The following PARP9 variants were observed in gnomAD, a reference collection of about 807,000 sequenced individuals.
PARP9 encodes the protein protein mono-ADP-ribosyltransferase PARP9.
PARP9 carries 48 observed loss-of-function variants against 68.8 expected under a neutral mutation model. The observed-to-expected ratio is 0.70, with a 90% CI of 0.55 to 0.89. The LOEUF is 0.89. Among genes scored for constraint, PARP9 ranks in the 40% least tolerant of loss-of-function variants. PARP9 has a pLI of 0.00. For missense variants in PARP9, 806 were observed against 969.3 expected (o/e 0.83, Z 2.24); for synonymous variants, 309 against 333.8 (o/e 0.93, Z 0.81).
chr3:122,539,831 C>T (rs770010391), intron 8 of PARP9, among the ~76,000 whole-genome samples: 20 of 152,094 alleles, frequency 1.3e-4, no homozygotes, highest in Middle Eastern at 3.4e-3. Flanking sequence ...CCCAAAGTGC[C>T]GGGATTACAG....
In PARP9 at chr3:122,536,172, AG is replaced by A. The variant is rs1429016610; in HGVS notation, c.2075del (p.Pro692LeufsTer32). On this transcript the variant is annotated frameshift_variant, in exon 10 of 11. Transcript: ENST00000682323. LOFTEE classifies it low-confidence loss of function (END_TRUNC). ...TGATGAGGCATTGACACCTACCGCA[AG>A]GTGTCGAGTACATTCTTTGAAAGCC... ...RVGFQRMYST[P>X]CDPKYGAGIY... The A allele has an allele frequency of 6.2e-7, 1 of 1,614,164 alleles. No individual in the cohort carries two copies. The highest frequency in any genetic ancestry group is 8.5e-7 in the Non-Finnish European group (1 of 1,180,014).
In PARP9 at chr3:122,539,591, G is replaced by A. The variant is rs183210835; in HGVS notation, c.1765+881C>T. Reference sequence around the variant, plus strand: ...TCTTTTTTTTTTGAGACAGAGTTTCGCTTTTGTTGCCCAGGCTGGAGTGCA... The same window carrying A: ...TCTTTTTTTTTTGAGACAGAGTTTCACTTTTGTTGCCCAGGCTGGAGTGCA... On this transcript the variant is annotated intron_variant, in intron 8 of 10. Transcript: ENST00000682323. 3.8e-3 allele frequency among the ~76,000 whole-genome samples: 456 copies of A among 120,714 alleles called. 1 individual carries two copies. Among genetic ancestry groups the A allele is most frequent in the African/African-American group, 0.015 (439 of 29,260 alleles). 79.2% of individuals were successfully genotyped at this position (120,714 alleles called of 152,430 possible).
chr3:122,547,388 C>T (rs2078846278), intron 6 of PARP9, among the ~76,000 whole-genome samples: 1 of 152,070 alleles, frequency 6.6e-6, no homozygotes, highest in Non-Finnish European at 1.5e-5. Context: ...AGCCACCAAG[C>T]CCGGCCCCCT....
At chr3:122,558,677 T>C (rs2079926334) in intron 2 of PARP9, among the ~76,000 whole-genome samples, 1 of 152,168 alleles carries the variant, frequency 6.6e-6, no homozygotes, top group South Asian at 2.1e-4. Context: ...CCTATGTCAT[T>C]TCCCTAGGGG....
intron 1 of PARP9, among the ~76,000 whole-genome samples, chr3:122,560,499 G>A (rs1230981313): frequency 6.6e-6 from 1 of 152,054 alleles, no homozygotes; most frequent in East Asian, 1.9e-4. Context: ...CCATTCTCCT[G>A]CCTCAGCCTC....
At chr3:122,542,257 CTT>C (rs1175844599) in intron 7 of PARP9, among the ~76,000 whole-genome samples, 7 of 104,044 alleles carry the variant, frequency 6.7e-5, no homozygotes, top group African/African-American at 2.0e-4. Flanking sequence ...TCTACTACTA[CTT>C]TTTTTTTTTT....
intron 10 of PARP9, chr3:122,532,934 G>A (rs1280402652): frequency 6.6e-6 from 1 of 152,154 alleles, no homozygotes; most frequent in Non-Finnish European, 1.5e-5. Context: ...TGGGAGCTAG[G>A]GCCTTATATT....
chr3:122,528,269 G>A lies in PARP9; in HGVS notation c.*95C>T. On this transcript the variant is annotated 3_prime_UTR_variant, in exon 11 of 11. Transcript: ENST00000682323. Reference sequence around the variant, plus strand: ...AGTCAGTCCATACAGATAACCCATGGGATATATTCAAGCCACTCTTTGAGC... The same window carrying A: ...AGTCAGTCCATACAGATAACCCATGAGATATATTCAAGCCACTCTTTGAGC... 1 of 1,451,446 alleles carries A rather than the reference G, an allele frequency of 6.9e-7. No individual in the cohort carries two copies. The highest frequency in any genetic ancestry group is 9.4e-7 in the Non-Finnish European group (1 of 1,066,706). The allele number at this position is 1,451,446 out of a possible 1,614,324, so 89.9% of individuals were successfully genotyped here.
chr3:122,551,568 C>T (rs762435691), intron 5 of PARP9, among the ~76,000 whole-genome samples: 4 of 152,154 alleles, frequency 2.6e-5, no homozygotes, highest in East Asian at 1.9e-4. Flanking sequence ...GGCGCGATCT[C>T]GGCTCACTGC....
At chr3:122,534,933 C>T (rs745508841) in intron 10 of PARP9, 1 of 981,430 alleles carries the variant, frequency 1.0e-6, no homozygotes, top group Admixed American at 6.2e-5. Flanking sequence ...GATGATGAGT[C>T]TGGCTAAGAC....
At chr3:122,539,520 TTTCTTTCTTTC>T (rs1285255396) in intron 8 of PARP9, among the ~76,000 whole-genome samples, 1 of 28,742 alleles carries the variant, frequency 3.5e-5, no homozygotes, top group African/African-American at 1.2e-4. Flanking sequence ...TCTTTCTTTC[TTTCTTTCTTTC>T]TTTCTTTCTT....
At chr3:122,547,482 T>C (rs2078856158) in intron 6 of PARP9, among the ~76,000 whole-genome samples, 1 of 152,152 alleles carries the variant, frequency 6.6e-6, no homozygotes, top group South Asian at 2.1e-4. Context: ...GTCATGCATA[T>C]TTTTGTTTGT....
intron 10 of PARP9, chr3:122,532,405 C>T: frequency 1.0e-6 from 1 of 985,248 alleles, no homozygotes. Flanking sequence ...CAATGCCTCT[C>T]CCAGCATAGA....
At chr3:122,543,235 G>A (rs1052219481) in intron 7 of PARP9, among the ~76,000 whole-genome samples, 13 of 149,738 alleles carry the variant, frequency 8.7e-5, no homozygotes, top group Non-Finnish European at 1.6e-4. Context: ...TAATGATAAC[G>A]TACCACCTCT....
At chr3:122,551,667 G>A (rs1704437072) in intron 5 of PARP9, among the ~76,000 whole-genome samples, 2 of 152,124 alleles carry the variant, frequency 1.3e-5, no homozygotes, top group African/African-American at 4.8e-5. Context: ...TGCAGGCATG[G>A]GTGGGAAGAG....
At chr3:122,536,027 G>C (rs2077612965) in intron 10 of PARP9, 141 bp downstream of exon 10, 9 of 1,538,476 alleles carry the variant, frequency 5.8e-6, no homozygotes, top group Non-Finnish European at 7.9e-6. Context: ...TTTGTGACCT[G>C]GGTCATCATT....
At chr3:122,548,948 A>T (rs763154258) in intron 6 of PARP9, among the ~76,000 whole-genome samples, 1 of 152,210 alleles carries the variant, frequency 6.6e-6, no homozygotes, top group Non-Finnish European at 1.5e-5. Context: ...AGCTCATTAC[A>T]GTTGATGTAA....
chr3:122,553,242 C>T (rs983890514), intron 4 of PARP9, among the ~76,000 whole-genome samples: 5 of 152,152 alleles, frequency 3.3e-5, no homozygotes, highest in African/African-American at 1.2e-4. Flanking sequence ...CTTCATCTCT[C>T]TCTTCAGAAA....
chr3:122,561,039 C>T (rs180809458), intron 1 of PARP9, among the ~76,000 whole-genome samples: 4 of 152,342 alleles, frequency 2.6e-5, no homozygotes, highest in African/African-American at 9.6e-5. Context: ...ATCACTGGTT[C>T]CTACTGTGTT....
Sources: allele counts gnomAD v4.1 joint callset (sites outside exome capture counted in the v4.1 genomes callset), GRCh38; gene constraint gnomAD v4.1.1; transcripts MANE v1.5; gene names NCBI Gene and HGNC (gene_info 2026-07-23, HGNC 2026-07-21).